SRGAP1: variants seen among roughly 807,000 people sequenced by gnomAD.
SRGAP1 encodes SLIT-ROBO Rho GTPase activating protein 1, also known as SLIT-ROBO Rho GTPase-activating protein 1.
In SRGAP1, 43 loss-of-function variants were observed where a neutral mutation model predicts 121.9. The ratio of observed to expected loss-of-function variants is 0.35; its 90% confidence interval spans 0.28 to 0.46. The LOEUF (loss-of-function observed/expected upper bound fraction) is 0.46. SRGAP1 is among the 20% of genes least tolerant of loss of function. SRGAP1 has a pLI of 1.00. For synonymous variants in SRGAP1, 447 were observed against 485.4 expected (o/e 0.92, Z 1.04); for missense variants, 1,102 against 1,350.9 (o/e 0.82, Z 2.89).
intron 8 of SRGAP1, among the ~76,000 whole-genome samples, chr12:64,075,874 A>G (rs940707651): frequency 6.6e-6 from 1 of 151,916 alleles, no homozygotes; most frequent in Non-Finnish European, 1.5e-5. Context: ...AAGCATCCAA[A>G]CTAGTACTAA....
chr12:63,968,279 C>T (rs149203643), intron 1 of SRGAP1, among the ~76,000 whole-genome samples: 72 of 152,234 alleles, frequency 4.7e-4, no homozygotes, highest in East Asian at 3.9e-3. Flanking sequence ...AAATCTGGCA[C>T]AAGAATATGC....
intron 21 of SRGAP1, among the ~76,000 whole-genome samples, chr12:64,133,727 T>C (rs2036819315): frequency 6.6e-6 from 1 of 152,144 alleles, no homozygotes; most frequent in South Asian, 2.1e-4. Flanking sequence ...AGTCTGGAAA[T>C]TGATTGAGGG....
intron 3 of SRGAP1, among the ~76,000 whole-genome samples, chr12:64,012,057 G>A (rs182447409): frequency 4.6e-4 from 70 of 151,858 alleles, no homozygotes; most frequent in Non-Finnish European, 2.9e-4. Context: ...GGGAGACCCT[G>A]TGTCAAACAA....
At chr12:63,900,204 C>CTTTTTCTTTTTTTTCTTT (rs1565942246) in intron 1 of SRGAP1, among the ~76,000 whole-genome samples, 1 of 87,524 alleles carries the variant, frequency 1.1e-5, no homozygotes, top group Non-Finnish European at 2.3e-5. Context: ...TTTTCTTTTT[C>CTTTTTCTTTTTTTTCTTT]TTTTTTTTTT....
intron 8 of SRGAP1, among the ~76,000 whole-genome samples, chr12:64,071,412 A>C (rs986702271): frequency 1.3e-5 from 2 of 152,256 alleles, no homozygotes; most frequent in Admixed American, 1.3e-4. Context: ...CTGTTCATTC[A>C]GTGAACTTTT....
At chr12:64,077,333 A>T (rs1431131881) in intron 8 of SRGAP1, among the ~76,000 whole-genome samples, 4 of 152,062 alleles carry the variant, frequency 2.6e-5, no homozygotes, top group Non-Finnish European at 5.9e-5. Flanking sequence ...TCAACAAAAC[A>T]GACACATACT....
rs1375173519 is a variant in SRGAP1, at chr12:64,159,494, C to T, written c.*16822C>T. ...AAACAAACAAACAAACAAACAGTAG[C>T]TGGTTGTGGTGGTGTGTGACTGTGA... On this transcript the variant is annotated 3_prime_UTR_variant, in exon 22 of 22. Transcript: ENST00000355086. The T allele has an allele frequency of 6.4e-6, 1 of 155,872 alleles. No individual in the cohort carries two copies. Among genetic ancestry groups the T allele is most frequent in the Non-Finnish European group, 1.4e-5 (1 of 71,200 alleles). 9.7% of individuals were successfully genotyped at this position (155,872 alleles called of 1,614,324 possible).
At chr12:64,029,158 G>A (rs542475031) in intron 4 of SRGAP1, among the ~76,000 whole-genome samples, 2 of 152,138 alleles carry the variant, frequency 1.3e-5, no homozygotes, top group Non-Finnish European at 2.9e-5. Context: ...TTCTTTCCGG[G>A]TCGCTGCCAG....
intron 4 of SRGAP1, among the ~76,000 whole-genome samples, chr12:64,039,239 G>A (rs1314948539): frequency 1.3e-5 from 2 of 152,106 alleles, no homozygotes; most frequent in African/African-American, 4.8e-5. Context: ...TTTGCTTTCC[G>A]GAAATTACCA....
At chr12:63,939,912 C>G (rs544146679) in intron 1 of SRGAP1, among the ~76,000 whole-genome samples, 1 of 152,060 alleles carries the variant, frequency 6.6e-6, no homozygotes, top group Non-Finnish European at 1.5e-5. Flanking sequence ...TGTCTTCACT[C>G]CTAACCATTT....
At chr12:63,871,767 TTCTTA>T (rs1180973640) in intron 1 of SRGAP1, 2 of 1,220,726 alleles carry the variant, frequency 1.6e-6, no homozygotes, top group African/African-American at 3.0e-5. Context: ...GTCCTTTCTT[TTCTTA>T]TATCCTCCCA....
intron 4 of SRGAP1, among the ~76,000 whole-genome samples, chr12:64,038,172 G>C (rs2034938703): frequency 6.6e-6 from 1 of 152,136 alleles, no homozygotes; most frequent in Non-Finnish European, 1.5e-5. Context: ...AGAGTTTCTA[G>C]AAGGATTAAA....
intron 1 of SRGAP1, among the ~76,000 whole-genome samples, chr12:63,906,480 A>AT (rs1159010594): frequency 6.6e-6 from 1 of 151,700 alleles, no homozygotes; most frequent in East Asian, 1.9e-4. Flanking sequence ...CGCCCGGCTA[A>AT]TTTTTTGTAT....
At chr12:63,913,273 C>A (rs557966358) in intron 1 of SRGAP1, among the ~76,000 whole-genome samples, 2 of 140,086 alleles carry the variant, frequency 1.4e-5, no homozygotes, top group Non-Finnish European at 3.0e-5. Context: ...ATCCTCCCAC[C>A]TCAGCCTCCT....
At chr12:63,875,828 T>C (rs1364065193) in intron 1 of SRGAP1, among the ~76,000 whole-genome samples, 1 of 152,206 alleles carries the variant, frequency 6.6e-6, no homozygotes, top group Non-Finnish European at 1.5e-5. Context: ...TTGCAGTCAC[T>C]TGCCAAGACG....
rs781399627 is a variant in SRGAP1, at chr12:64,109,004, T to C, written c.1886T>C (p.Ile629Thr). 4.4e-6 allele frequency: 7 copies of C among 1,592,802 alleles called. No homozygotes were observed. In the South Asian group the frequency reaches 6.8e-5, roughly 16 times the overall value. ...CTGACTTTGCCCAGGTCGGTCCTTA[T>C]AGTGATGAGGTACCTCTTTGCCTTC... Reference protein sequence around the residue: ...LLLTLPRSVLIVMRYLFAFLN... With the variant: ...LLLTLPRSVLTVMRYLFAFLN... The change falls in exon 16 of 22, where the codon ATA (isoleucine) becomes ACA (threonine). Residue 629 changes from isoleucine (I) to threonine (T), a missense_variant. Around this residue, in one of 3 missense-constraint regions of SRGAP1, gnomAD observed 747 missense variants for 929.4 expected, o/e 0.80. Transcript: ENST00000355086.
chr12:63,887,907 A>T (rs1900446280), intron 1 of SRGAP1: 1 of 152,208 alleles, frequency 6.6e-6, no homozygotes, highest in Admixed American at 6.5e-5. Flanking sequence ...TAATATCCTG[A>T]GAAGCTCCAT....
chr12:63,953,578 G>T (rs1381147508), intron 1 of SRGAP1, among the ~76,000 whole-genome samples: 1 of 144,332 alleles, frequency 6.9e-6, no homozygotes, highest in Non-Finnish European at 1.5e-5. Flanking sequence ...AATTTTTAAA[G>T]TTTTTTTTTT....
In SRGAP1 at chr12:63,984,137, A is replaced by G. The variant is rs1386705665; in HGVS notation, c.258A>G (p.Gln86=). 2.1e-6 allele frequency: 3 copies of G among 1,458,720 alleles called. No individual in the cohort carries two copies. The highest frequency in any genetic ancestry group is 1.5e-5 in the South Asian group (1 of 68,068). The allele number at this position is 1,458,720 out of a possible 1,614,324, so 90.4% of individuals were successfully genotyped here. The stretch of plus-strand genomic sequence containing the variant: ...CAAGAAGCACTAAGGATCATCAACA[A>G]TACAAGTAAGAGATTTGAATCTAAT... The part of the protein sequence containing the change: ...AKTRSTKDHQ[Q]YKKDQNLLSP... Residue 86 remains glutamine (Q), a synonymous_variant, in exon 2 of 22, where the codon CAA becomes CAG. Coordinates refer to ENST00000355086, the MANE Select transcript of SRGAP1 (RefSeq NM_020762.4).
Sources: allele counts gnomAD v4.1 joint callset (sites outside exome capture counted in the v4.1 genomes callset), GRCh38; gene constraint gnomAD v4.1.1; regional missense constraint gnomAD v4.1.1; transcripts MANE v1.5; gene names NCBI Gene and HGNC (gene_info 2026-07-23, HGNC 2026-07-21).